The following CTNNA3 variants were observed in gnomAD, a reference collection of about 807,000 sequenced individuals.
CTNNA3 encodes the protein catenin alpha-3.
CTNNA3 carries 76 observed loss-of-function variants against 95.7 expected under a neutral mutation model. That is an observed-to-expected ratio of 0.79 (90% CI 0.66 to 0.96). CTNNA3 has a LOEUF of 0.96. Among genes scored for constraint, CTNNA3 ranks in the 40% least tolerant of loss-of-function variants. The pLI, the probability that CTNNA3 is intolerant of heterozygous loss-of-function variation, is 0.00. For missense variants in CTNNA3, 1,191 were observed against 1,089.8 expected (o/e 1.09, Z -1.31); for synonymous variants, 431 against 374.4 (o/e 1.15, Z -1.74).
chr10:67,370,365 T>C (rs776986478), intron 5 of CTNNA3, among the ~76,000 whole-genome samples: 12 of 151,630 alleles, frequency 7.9e-5, no homozygotes, highest in Admixed American at 6.6e-5. Context: ...GACAGGTAAC[T>C]GGGTAATTAT....
chr10:66,007,557 G>A (rs1000321475), intron 15 of CTNNA3, among the ~76,000 whole-genome samples: 2 of 152,122 alleles, frequency 1.3e-5, no homozygotes, highest in Admixed American at 6.5e-5. Flanking sequence ...ATGTGGATGT[G>A]TCCTTGCCTT....
At chr10:66,716,928 G>T (rs114987756) in intron 9 of CTNNA3, among the ~76,000 whole-genome samples, 2 of 152,034 alleles carry the variant, frequency 1.3e-5, no homozygotes, top group South Asian at 2.1e-4. Flanking sequence ...TTTTACAGAC[G>T]TGGTGAGCAT....
intron 7 of CTNNA3, among the ~76,000 whole-genome samples, chr10:67,058,083 T>C (rs1345034363): frequency 6.6e-6 from 1 of 152,190 alleles, no homozygotes; most frequent in Admixed American, 6.5e-5. Flanking sequence ...TAATCTTTTC[T>C]TGCATGCTGG....
At chr10:66,500,264 A>G (rs920576891) in intron 11 of CTNNA3, among the ~76,000 whole-genome samples, 2 of 152,194 alleles carry the variant, frequency 1.3e-5, no homozygotes, top group African/African-American at 4.8e-5. Flanking sequence ...TGAAATAGTG[A>G]TAGTATAAAT....
intron 17 of CTNNA3, among the ~76,000 whole-genome samples, chr10:65,946,715 T>C (rs375825541): frequency 3.5e-4 from 53 of 152,266 alleles, no homozygotes; most frequent in African/African-American, 1.1e-3. Context: ...TGCAAATCTT[T>C]GGCATCTATT....
chr10:67,024,432 T>C (rs1448397714), intron 7 of CTNNA3, among the ~76,000 whole-genome samples: 1 of 152,252 alleles, frequency 6.6e-6, no homozygotes, highest in Admixed American at 6.5e-5. Flanking sequence ...TTAATTGTTC[T>C]GCAAAATCTC....
intron 5 of CTNNA3, among the ~76,000 whole-genome samples, chr10:67,320,334 T>C (rs1589162430): frequency 6.6e-6 from 1 of 152,046 alleles, no homozygotes; most frequent in South Asian, 2.1e-4. Flanking sequence ...GCAGAACATA[T>C]GAGGGAGGGG....
chr10:67,446,940 C>A (rs1279441074), intron 5 of CTNNA3, among the ~76,000 whole-genome samples: 1 of 152,122 alleles, frequency 6.6e-6, no homozygotes, highest in Non-Finnish European at 1.5e-5. Context: ...CCCGTCTCTC[C>A]TAAAAATACA....
intron 5 of CTNNA3, among the ~76,000 whole-genome samples, chr10:67,414,658 C>T (rs1845483645): frequency 6.6e-6 from 1 of 152,148 alleles, no homozygotes; most frequent in African/African-American, 2.4e-5. Context: ...TAATATCCCT[C>T]ATAAACACAG....
intron 11 of CTNNA3, among the ~76,000 whole-genome samples, chr10:66,447,533 C>T (rs2093431725): frequency 6.6e-6 from 1 of 150,746 alleles, no homozygotes; most frequent in African/African-American, 2.5e-5. Context: ...TATCTACAAC[C>T]CTCTGATCTT....
intron 9 of CTNNA3, among the ~76,000 whole-genome samples, chr10:66,692,121 T>C (rs201329863): frequency 1.3e-5 from 2 of 152,108 alleles, no homozygotes; most frequent in South Asian, 4.1e-4. Context: ...GAGAATGACT[T>C]TGACGAGTTG....
chr10:67,303,855 G>A (rs1260103357), intron 5 of CTNNA3, among the ~76,000 whole-genome samples: 1 of 152,062 alleles, frequency 6.6e-6, no homozygotes, highest in Non-Finnish European at 1.5e-5. Context: ...ATTCTCCTAG[G>A]ATTTCTGTTC....
chr10:65,989,026 C>T (rs1346426520), intron 15 of CTNNA3, among the ~76,000 whole-genome samples: 5 of 152,074 alleles, frequency 3.3e-5, no homozygotes, highest in Admixed American at 2.6e-4. Flanking sequence ...CTGCAACCTC[C>T]GCTTCTCGGG....
intron 17 of CTNNA3, among the ~76,000 whole-genome samples, chr10:65,954,496 C>A (rs2077689531): frequency 6.6e-6 from 1 of 152,134 alleles, no homozygotes; most frequent in Non-Finnish European, 1.5e-5. Context: ...CCTAGGTTTT[C>A]TTCTAGAGTT....
chr10:65,983,149 G>C (rs924617472), intron 16 of CTNNA3, among the ~76,000 whole-genome samples: 1 of 151,608 alleles, frequency 6.6e-6, no homozygotes, highest in African/African-American at 2.4e-5. Flanking sequence ...AACACTAAAA[G>C]TTCGTTTTAA....
chr10:66,196,304 C>G (rs898474958), intron 13 of CTNNA3, among the ~76,000 whole-genome samples: 6 of 152,100 alleles, frequency 3.9e-5, no homozygotes, highest in Non-Finnish European at 7.4e-5. Context: ...ACAAAGCTTA[C>G]GTGCTAATAC....
chr10:67,380,605 C>T (rs1843904945), intron 5 of CTNNA3, among the ~76,000 whole-genome samples: 1 of 152,136 alleles, frequency 6.6e-6, no homozygotes, highest in Non-Finnish European at 1.5e-5. Context: ...TTGATATACT[C>T]AACTGTCTAA....
At chr10:67,508,307 T>C (rs556863959) in intron 5 of CTNNA3, among the ~76,000 whole-genome samples, 12 of 152,124 alleles carry the variant, frequency 7.9e-5, no homozygotes, top group African/African-American at 2.7e-4. Context: ...CCACCGTGCC[T>C]AGCAGAAGGA....
chr10:65,939,880 A>C (rs2133173289), intron 17 of CTNNA3, among the ~76,000 whole-genome samples: 1 of 152,284 alleles, frequency 6.6e-6, no homozygotes, highest in Middle Eastern at 3.4e-3. Flanking sequence ...TAACCTGAAC[A>C]CCAAAACTTT....
Sources: allele counts gnomAD v4.1 joint callset (sites outside exome capture counted in the v4.1 genomes callset), GRCh38; gene constraint gnomAD v4.1.1; transcripts MANE v1.5; gene names NCBI Gene and HGNC (gene_info 2026-07-23, HGNC 2026-07-21).